ST13: variants seen among roughly 807,000 people sequenced by gnomAD.
The protein encoded by ST13 is hsc70-interacting protein.
Under a neutral mutation model 56.7 loss-of-function variants are expected in ST13, and 23 were observed. That is an observed-to-expected ratio of 0.41 (90% confidence interval 0.29 to 0.57). The LOEUF (loss-of-function observed/expected upper bound fraction) is 0.57, where lower values mean the gene tolerates loss of function less well. Among genes scored for constraint, ST13 ranks in the 20% least tolerant of loss-of-function variants. The pLI is 0.36. For synonymous variants in ST13, 132 were observed against 142.4 expected (o/e 0.93, Z 0.52); for missense variants, 369 against 459.9 (o/e 0.80, Z 1.81).
In ST13 at chr22:40,826,538, T is replaced by C. The variant is rs781164072; in HGVS notation, c.1110A>G (p.Ter370=). Reference sequence around the variant, plus strand: ...AAGGGCTTTATTTATCAGAAGGACATTACGCTTGACCTCCAAATTTGGCTG... The same window carrying C: ...AAGGGCTTTATTTATCAGAAGGACACTACGCTTGACCTCCAAATTTGGCTG... ...KLSAKFGGQA[*] Residue 370 remains the stop codon, a stop_retained_variant, in exon 12 of 12, where the codon TAA becomes TAG. Coordinates refer to ENST00000216218, the MANE Select transcript of ST13 (RefSeq NM_003932.5). 1 of 1,597,816 alleles carries C rather than the reference T, an allele frequency of 6.3e-7. No individual in the cohort carries two copies. The highest frequency in any genetic ancestry group is 1.1e-5 in the South Asian group (1 of 90,992).
At chr22:40,836,686 A>T (rs922562141) in intron 5 of ST13, among the ~76,000 whole-genome samples, 3 of 152,238 alleles carry the variant, frequency 2.0e-5, no homozygotes, top group Non-Finnish European at 4.4e-5. Flanking sequence ...TAGAATTCAT[A>T]AAAGACCATA....
At chr22:40,838,599 CA>C (rs530979962) in intron 5 of ST13, among the ~76,000 whole-genome samples, 2,811 of 132,706 alleles carry the variant, frequency 0.021, 69 homozygotes, top group African/African-American at 0.064. Flanking sequence ...CTATCTCTAC[CA>C]AAAAAAAAAA....
In ST13 at chr22:40,855,012, T is replaced by A. The variant is rs537999286; in HGVS notation, c.110+1419A>T. On this transcript the variant is annotated intron_variant, in intron 1 of 11. Transcript: ENST00000216218. ...GTAAGTCTTCCAGTAGTTAGACAAT[T>A]GGTGGGGAGCTAAAAATTGAAAAAC... is the stretch of plus-strand genomic sequence containing the variant. Among the ~76,000 whole-genome samples, 25 of 152,278 alleles carry A rather than the reference T, an allele frequency of 1.6e-4. 1 individual carries two copies. The highest frequency in any genetic ancestry group is 1.2e-3 in the Admixed American group (19 of 15,298).
intron 10 of ST13, among the ~76,000 whole-genome samples, chr22:40,828,440 T>C (rs1248104447): frequency 9.0e-6 from 1 of 111,282 alleles, no homozygotes; most frequent in African/African-American, 4.3e-5. Context: ...CCGTCTCTAC[T>C]AAAAATACAA....
chr22:40,825,620 TTAA>T lies in ST13; in HGVS notation c.*915_*917del, dbSNP rs1173477741. On this transcript the variant is annotated 3_prime_UTR_variant, in exon 12 of 12. Transcript: ENST00000216218. Reference sequence around the variant, plus strand: ...TAAATATGCTTGTATAATTACGCTGTTAATGATGATAGCAGTGATGATGCCGGT... The same window carrying T: ...TAAATATGCTTGTATAATTACGCTGTTGATGATAGCAGTGATGATGCCGGT... 1 of 152,078 alleles carries T rather than the reference TTAA, an allele frequency of 6.6e-6. No individual in the cohort carries two copies. The highest frequency in any genetic ancestry group is 1.5e-5 in the Non-Finnish European group (1 of 68,034). The allele number at this position is 152,078 out of a possible 1,614,324, so 9.4% of individuals were successfully genotyped here.
At chr22:40,849,356 T>C (rs913640274) in intron 2 of ST13, among the ~76,000 whole-genome samples, 3 of 151,694 alleles carry the variant, frequency 2.0e-5, no homozygotes, top group Non-Finnish European at 4.4e-5. Flanking sequence ...TGGGCACCTG[T>C]AGTCCCAGCT....
Position 40,856,639 on chromosome 22 carries a change from G to T in ST13, c.-99C>A. ...GCGCAGAAGGGGGCGGCTGCCGCAA[G>T]ACAGAACAGACTAGAACCTCCCCGG... On this transcript the variant is annotated 5_prime_UTR_variant, in exon 1 of 12. Transcript: ENST00000216218. 1 of 912,582 alleles carries T rather than the reference G, an allele frequency of 1.1e-6. No homozygotes were observed. Among genetic ancestry groups the T allele is most frequent in the African/African-American group, 1.6e-5 (1 of 61,490 alleles). The allele number at this position is 912,582 out of a possible 1,614,324, so 56.5% of individuals were successfully genotyped here.
At chr22:40,848,467 C>T in intron 2 of ST13, 98 bp from the exon 3 acceptor site, 2 of 851,068 alleles carry the variant, frequency 2.3e-6, no homozygotes, top group South Asian at 1.4e-5. Flanking sequence ...TCAAATATGG[C>T]CAGGCATGGC....
chr22:40,852,140 G>A (rs556898081), intron 1 of ST13, among the ~76,000 whole-genome samples: 1 of 152,194 alleles, frequency 6.6e-6, no homozygotes, highest in Non-Finnish European at 1.5e-5. Flanking sequence ...GAATTTAAAT[G>A]GGCATCAGTT....
chr22:40,837,185 AAAAGAACT>A (rs1569000936), intron 5 of ST13, among the ~76,000 whole-genome samples: 1 of 152,256 alleles, frequency 6.6e-6, no homozygotes, highest in Non-Finnish European at 1.5e-5. Context: ...AAAGGACTTG[AAAAGAACT>A]CACAAAAACA....
chr22:40,849,880 T>C (rs1323507014), intron 2 of ST13, among the ~76,000 whole-genome samples: 1 of 149,602 alleles, frequency 6.7e-6, no homozygotes, highest in Admixed American at 6.7e-5. Context: ...GCTATTTTCT[T>C]GTCGATTTAA....
At chr22:40,838,382 A>G (rs2057787311) in intron 5 of ST13, among the ~76,000 whole-genome samples, 1 of 152,214 alleles carries the variant, frequency 6.6e-6, no homozygotes, top group South Asian at 2.1e-4. Context: ...GCACATGAAC[A>G]GAGAGTTCAG....
intron 3 of ST13, among the ~76,000 whole-genome samples, chr22:40,847,966 A>C (rs1366519824): frequency 2.6e-5 from 4 of 151,254 alleles, no homozygotes; most frequent in Admixed American, 6.6e-5. Context: ...AGAATGGCTT[A>C]AACCTGGGAG....
chr22:40,843,074 T>TG (rs1169171012), intron 4 of ST13, among the ~76,000 whole-genome samples: 59 of 152,266 alleles, frequency 3.9e-4, no homozygotes, highest in South Asian at 2.1e-3. Flanking sequence ...GAGCTATGAT[T>TG]GTACCACTAC....
At chr22:40,837,071 C>T (rs1349785630) in intron 5 of ST13, among the ~76,000 whole-genome samples, 1 of 152,206 alleles carries the variant, frequency 6.6e-6, no homozygotes, top group Non-Finnish European at 1.5e-5. Context: ...CCAACTCAGC[C>T]TTCTGAGTAG....
At chr22:40,845,027 G>A (rs2145744835) in intron 3 of ST13, 118 bp from the exon 4 acceptor site, 2 of 673,890 alleles carry the variant, frequency 3.0e-6, no homozygotes, top group South Asian at 2.2e-5. Flanking sequence ...AAGTATTGAT[G>A]CATTTTAAAA....
chr22:40,844,790 A>C, intron 4 of ST13, 49 bp downstream of exon 4: 2 of 1,436,764 alleles, frequency 1.4e-6, no homozygotes, highest in Non-Finnish European at 9.8e-7. Flanking sequence ...CAACAGCAGG[A>C]CCTTTCACAT....
chr22:40,835,852 C>A lies in ST13; in HGVS notation c.418G>T (p.Ala140Ser). 6.2e-7 allele frequency: 1 copy of A among 1,613,450 alleles called. No homozygotes were observed. Among genetic ancestry groups the A allele is most frequent in the Non-Finnish European group, 8.5e-7 (1 of 1,180,016 alleles). Reference sequence around the variant, plus strand: ...GCCAAGCGAGGATTCAGCTTGATGGCATCTGTGAATAAGTCAATGGCTTTC... The same window carrying A: ...GCCAAGCGAGGATTCAGCTTGATGGAATCTGTGAATAAGTCAATGGCTTTC... ...LQKAIDLFTD[A>S]IKLNPRLAIL... The change falls in exon 6 of 12, where the codon GCC becomes TCC. Residue 140 changes from alanine to serine, a missense_variant. Transcript: ENST00000216218.
intron 1 of ST13, among the ~76,000 whole-genome samples, chr22:40,852,080 C>T (rs2057864396): frequency 6.6e-6 from 1 of 152,172 alleles, no homozygotes; most frequent in Non-Finnish European, 1.5e-5. Context: ...TCCACACTTA[C>T]ATTCATTTCA....
Sources: gnomAD v4.1 joint callset for allele counts (sites outside exome capture counted in the v4.1 genomes callset) on GRCh38, gnomAD v4.1.1 for gene constraint, MANE v1.5 for transcripts, NCBI Gene and HGNC (gene_info 2026-07-23, HGNC 2026-07-21) for gene names.